The following PIP5K1B variants were observed in gnomAD, a reference collection of about 807,000 sequenced individuals.
The protein encoded by PIP5K1B is phosphatidylinositol-4-phosphate 5-kinase type 1 beta.
PIP5K1B carries 42 observed loss-of-function variants against 67.0 expected under a neutral mutation model. The ratio of observed to expected loss-of-function variants is 0.63; its 90% CI spans 0.49 to 0.81. The LOEUF is 0.81. Ranked by LOEUF, PIP5K1B falls within the 30% of genes least tolerant of loss-of-function variation. The pLI is 0.00. For synonymous variants in PIP5K1B, 214 were observed against 231.4 expected (o/e 0.92, Z 0.68); for missense variants, 459 against 646.3 (o/e 0.71, Z 3.14).
At chr9:68,966,244 C>T (rs1359249160) in intron 14 of PIP5K1B, among the ~76,000 whole-genome samples, 1 of 152,120 alleles carries the variant, frequency 6.6e-6, no homozygotes, top group Non-Finnish European at 1.5e-5. Flanking sequence ...AGCTACTCCA[C>T]CCTGAAGGAA....
chr9:68,828,664 G>A (rs1245461570), intron 4 of PIP5K1B, among the ~76,000 whole-genome samples: 1 of 152,202 alleles, frequency 6.6e-6, no homozygotes, highest in Non-Finnish European at 1.5e-5. Context: ...CTAAAAGGAA[G>A]TATTTCTTTA....
intron 12 of PIP5K1B, among the ~76,000 whole-genome samples, chr9:68,933,538 C>T (rs1029752622): frequency 2.0e-5 from 3 of 151,986 alleles, no homozygotes; most frequent in Non-Finnish European, 4.4e-5. Flanking sequence ...GAAAATGAAC[C>T]ACCTAGAAAG....
chr9:68,795,111 G>T (rs904596128), intron 2 of PIP5K1B, among the ~76,000 whole-genome samples: 6 of 152,100 alleles, frequency 3.9e-5, no homozygotes, highest in African/African-American at 1.4e-4. Context: ...CTGAATCAGT[G>T]TACTACCTTC....
chr9:68,766,197 CAA>C (rs1029553083), intron 2 of PIP5K1B, among the ~76,000 whole-genome samples: 1 of 152,050 alleles, frequency 6.6e-6, no homozygotes, highest in Non-Finnish European at 1.5e-5. Flanking sequence ...ATATCTATAA[CAA>C]AATGTTAACA....
chr9:68,767,365 G>A (rs545587686), intron 2 of PIP5K1B, among the ~76,000 whole-genome samples: 3 of 152,130 alleles, frequency 2.0e-5, no homozygotes, highest in Non-Finnish European at 2.9e-5. Context: ...AGGCCGAGGC[G>A]GGTGGATCAC....
chr9:68,896,364 G>C (rs1825084944), intron 8 of PIP5K1B, among the ~76,000 whole-genome samples: 1 of 147,286 alleles, frequency 6.8e-6, no homozygotes, highest in African/African-American at 2.5e-5. Context: ...AAAAAAAAAA[G>C]CAAATGTAAA....
intron 14 of PIP5K1B, among the ~76,000 whole-genome samples, chr9:68,976,905 G>C (rs1281913953): frequency 1.3e-5 from 2 of 152,168 alleles, no homozygotes; most frequent in Non-Finnish European, 2.9e-5. Flanking sequence ...TGGCCTGGGG[G>C]TTGGGGACCC....
intron 2 of PIP5K1B, among the ~76,000 whole-genome samples, chr9:68,786,482 CT>C (rs11309118): frequency 0.53 from 80,019 of 150,926 alleles, 21,603 homozygotes; most frequent in African/African-American, 0.64. Context: ...TTATTATAAA[CT>C]TTTTTTTATT....
chr9:68,986,664 A>G (rs1830107533), intron 14 of PIP5K1B, among the ~76,000 whole-genome samples: 1 of 152,190 alleles, frequency 6.6e-6, no homozygotes, highest in African/African-American at 2.4e-5. Flanking sequence ...AGTAAATCTG[A>G]TATTTCTTTT....
At chr9:68,903,374 A>G (rs1456345317) in intron 8 of PIP5K1B, among the ~76,000 whole-genome samples, 1 of 152,216 alleles carries the variant, frequency 6.6e-6, no homozygotes, top group East Asian at 1.9e-4. Context: ...TCATGTCAAC[A>G]TTGTGAATTT....
At chr9:68,970,004 A>G (rs1829267742) in intron 14 of PIP5K1B, among the ~76,000 whole-genome samples, 1 of 152,190 alleles carries the variant, frequency 6.6e-6, no homozygotes, top group Non-Finnish European at 1.5e-5. Flanking sequence ...TCATTAAAAA[A>G]ATAGCCCTTA....
intron 4 of PIP5K1B, chr9:68,843,115 C>G (rs959121085): frequency 1.3e-5 from 2 of 152,182 alleles, no homozygotes; most frequent in Non-Finnish European, 2.9e-5. Context: ...GATAACCAAA[C>G]ATAGAATTTT....
intron 2 of PIP5K1B, among the ~76,000 whole-genome samples, chr9:68,770,269 T>C (rs1262826802): frequency 4.6e-5 from 7 of 152,236 alleles, no homozygotes; most frequent in Non-Finnish European, 7.3e-5. Flanking sequence ...TGTAATTAGC[T>C]AAGCCTCCGA....
At chr9:68,814,885 T>C (rs1198572313) in intron 2 of PIP5K1B, among the ~76,000 whole-genome samples, 1 of 152,184 alleles carries the variant, frequency 6.6e-6, no homozygotes, top group Non-Finnish European at 1.5e-5. Context: ...TACAGGTTCG[T>C]ATTTGTATAT....
chr9:68,863,643 T>A (rs1011203105), intron 4 of PIP5K1B, among the ~76,000 whole-genome samples, 194 bp from the exon 5 acceptor site: 1 of 152,210 alleles, frequency 6.6e-6, no homozygotes, highest in Admixed American at 6.5e-5. Flanking sequence ...AAAAAACATT[T>A]GAAAAGAAAG....
At chr9:69,000,163 G>A (rs1054675963) in intron 15 of PIP5K1B, among the ~76,000 whole-genome samples, 2 of 152,056 alleles carry the variant, frequency 1.3e-5, no homozygotes, top group Non-Finnish European at 2.9e-5. Flanking sequence ...GGCAGATTGG[G>A]ATTCAACACA....
At chr9:68,730,527 G>T (rs1156698968) in intron 1 of PIP5K1B, among the ~76,000 whole-genome samples, 1 of 152,178 alleles carries the variant, frequency 6.6e-6, no homozygotes, top group Non-Finnish European at 1.5e-5. Flanking sequence ...TTTTAGATCT[G>T]TTATCGCGGC....
At chr9:68,867,867 T>C (rs1823438958) in intron 5 of PIP5K1B, among the ~76,000 whole-genome samples, 2 of 152,226 alleles carry the variant, frequency 1.3e-5, no homozygotes. Flanking sequence ...TAGAACTAAT[T>C]ACTTGAGGTA....
At chr9:68,827,254 TGACA>T (rs1834035286) in intron 4 of PIP5K1B, among the ~76,000 whole-genome samples, 1 of 152,160 alleles carries the variant, frequency 6.6e-6, no homozygotes, top group South Asian at 2.1e-4. Context: ...TGGCTCTAAA[TGACA>T]GCTACCCTTG....
Sources: allele counts gnomAD v4.1 joint callset (sites outside exome capture counted in the v4.1 genomes callset), GRCh38; gene constraint gnomAD v4.1.1; transcripts MANE v1.5; gene names NCBI Gene and HGNC (gene_info 2026-07-23, HGNC 2026-07-21).